Variants in FAM135B observed in about 807,000 individuals in gnomAD.
FAM135B encodes the protein protein FAM135B.
In FAM135B, 43 loss-of-function variants were observed where a neutral mutation model predicts 127.7. The observed-to-expected ratio is 0.34, with a 90% CI of 0.26 to 0.43. FAM135B has a LOEUF of 0.43. Ranked by LOEUF, FAM135B falls within the 20% of genes least tolerant of loss-of-function variation. FAM135B has a pLI of 1.00. For missense variants in FAM135B, 1,558 were observed against 1,725.6 expected, an observed-to-expected ratio of 0.90 and a Z score of 1.72; for synonymous variants, 670 against 665.1, an observed-to-expected ratio of 1.01 and a Z score of -0.11.
chr8:138,285,134 ATTTTTTTTTTTTTTT>A (rs386414180), intron 3 of FAM135B, among the ~76,000 whole-genome samples: 3 of 54,792 alleles, frequency 5.5e-5, no homozygotes, highest in South Asian at 1.4e-3. Context: ...GGCTCTACTA[ATTTTTTTTTTTTTTT>A]TTTTTTTTTT....
chr8:138,411,950 A>G (rs1489872918), intron 1 of FAM135B, among the ~76,000 whole-genome samples: 1 of 152,182 alleles, frequency 6.6e-6, no homozygotes, highest in Non-Finnish European at 1.5e-5. Flanking sequence ...TTCCTAAGCA[A>G]ATTAATGCAG....
intron 1 of FAM135B, among the ~76,000 whole-genome samples, chr8:138,390,148 TTC>T (rs1282743513): frequency 3.9e-5 from 6 of 152,164 alleles, no homozygotes; most frequent in African/African-American, 1.4e-4. Context: ...ACTCTAATAT[TTC>T]TCTTTGTCTC....
At chr8:138,358,614 G>A (rs1161687396) in intron 2 of FAM135B, 1 of 151,996 alleles carries the variant, frequency 6.6e-6, no homozygotes, top group Non-Finnish European at 1.5e-5. Flanking sequence ...CTTGCCCATG[G>A]GTACCCTGCT....
chr8:138,213,033 T>C lies in FAM135B; in HGVS notation c.670-15364A>G, dbSNP rs74396410. ...GTAATATTTTTTAAAATGTGAGACA[T>C]TGTCTGTTAAATGAAATGAGCATGA... On this transcript the variant is annotated intron_variant, in intron 7 of 19. Transcript: ENST00000395297. Among the ~76,000 whole-genome samples, 81 of 152,338 alleles carry C rather than the reference T, an allele frequency of 5.3e-4. No homozygotes were observed. In the East Asian group the frequency reaches 6.9e-3, roughly 13 times the overall value.
intron 1 of FAM135B, among the ~76,000 whole-genome samples, chr8:138,415,829 T>A (rs962771049): frequency 2.0e-5 from 3 of 152,200 alleles, no homozygotes; most frequent in African/African-American, 7.2e-5. Context: ...CACATCCCCA[T>A]AGGCCCATCT....
At chr8:138,211,264 T>C (rs1818121712) in intron 7 of FAM135B, among the ~76,000 whole-genome samples, 1 of 152,184 alleles carries the variant, frequency 6.6e-6, no homozygotes, top group African/African-American at 2.4e-5. Context: ...GAAACCAAAA[T>C]AATAGTATTT....
At chr8:138,247,099 T>C (rs1178039278) in intron 6 of FAM135B, among the ~76,000 whole-genome samples, 15 of 152,180 alleles carry the variant, frequency 9.9e-5, no homozygotes, top group African/African-American at 3.6e-4. Context: ...TGCTTTTGAT[T>C]TTGCAGGCTC....
At chr8:138,385,323 T>C (rs561812373) in intron 1 of FAM135B, among the ~76,000 whole-genome samples, 76 of 152,272 alleles carry the variant, frequency 5.0e-4, no homozygotes, top group South Asian at 3.1e-3. Flanking sequence ...TTTCATGTCC[T>C]CTCTCAGAAT....
intron 4 of FAM135B, 50 bp from the exon 5 acceptor site, chr8:138,256,809 A>G (rs1512403): frequency 0.3 from 433,178 of 1,421,496 alleles, 67,825 homozygotes; most frequent in Admixed American, 0.32. Flanking sequence ...ATCTTGTCCA[A>G]ATGAAATACT....
At chr8:138,412,415 G>C (rs1833918697) in intron 1 of FAM135B, among the ~76,000 whole-genome samples, 1 of 152,184 alleles carries the variant, frequency 6.6e-6, no homozygotes, top group African/African-American at 2.4e-5. Flanking sequence ...ACCTTGGGGG[G>C]TAATTTGTTA....
At chr8:138,185,253 C>T (rs1227852879) in intron 9 of FAM135B, among the ~76,000 whole-genome samples, 1 of 152,150 alleles carries the variant, frequency 6.6e-6, no homozygotes, top group African/African-American at 2.4e-5. Context: ...ATCAATGGGA[C>T]CAGTGCAGAC....
chr8:138,442,916 C>T (rs562101672), intron 1 of FAM135B, among the ~76,000 whole-genome samples: 237 of 152,256 alleles, frequency 1.6e-3, no homozygotes, highest in African/African-American at 4.7e-3. Context: ...GAAAGGACTA[C>T]GTGATGGTTG....
At chr8:138,135,773 C>A (rs1394532255) in intron 19 of FAM135B, among the ~76,000 whole-genome samples, 10 of 152,078 alleles carry the variant, frequency 6.6e-5, no homozygotes, top group Non-Finnish European at 1.2e-4. Context: ...CAGAAGCAAG[C>A]TCTATGTGCA....
chr8:138,213,688 A>G (rs912454040), intron 7 of FAM135B, among the ~76,000 whole-genome samples: 5 of 152,142 alleles, frequency 3.3e-5, no homozygotes, highest in Admixed American at 2.0e-4. Context: ...TTTAAACACT[A>G]GAATGATGCA....
intron 11 of FAM135B, among the ~76,000 whole-genome samples, chr8:138,168,553 A>C (rs1280598826): frequency 6.6e-6 from 1 of 152,196 alleles, no homozygotes; most frequent in Admixed American, 6.5e-5. Context: ...ATGAAGGTAT[A>C]AATTTCCCTA....
At position 138,485,990 on chromosome 8, in the gene FAM135B, G is replaced by T. The variant is rs985235260; in HGVS notation, c.-20+10681C>A. On this transcript the variant is annotated intron_variant, in intron 1 of 19. Coordinates refer to ENST00000395297, the MANE Select transcript of FAM135B (RefSeq NM_015912.4). ...TTTAGGGGTCACCTACTTAGACTTGGAAAGCCTCCTAGGTAATTGCAGAAG... is the reference window on the plus strand; with the variant it reads ...TTTAGGGGTCACCTACTTAGACTTGTAAAGCCTCCTAGGTAATTGCAGAAG... Among the ~76,000 whole-genome samples, 6 of 152,106 alleles carry T rather than the reference G, an allele frequency of 3.9e-5. 1 individual carries two copies. Among genetic ancestry groups the T allele is most frequent in the Admixed American group, 3.9e-4 (6 of 15,274 alleles).
intron 7 of FAM135B, among the ~76,000 whole-genome samples, chr8:138,240,384 C>T (rs1586855858): frequency 6.6e-6 from 1 of 152,216 alleles, no homozygotes; most frequent in African/African-American, 2.4e-5. Context: ...GTCTAACGTT[C>T]TGAGCTGGGC....
intron 12 of FAM135B, among the ~76,000 whole-genome samples, chr8:138,156,707 T>C (rs1818788753): frequency 6.6e-6 from 1 of 151,998 alleles, no homozygotes; most frequent in Admixed American, 6.5e-5. Context: ...AAGAAATGGA[T>C]AAATTCCTGG....
At position 138,202,125 on chromosome 8, in the gene FAM135B, C is replaced by CAAAAAAAAAAAAA. The variant is rs60386806; in HGVS notation, c.670-4469_670-4457dup. On this transcript the variant is annotated intron_variant, in intron 7 of 19. Coordinates refer to ENST00000395297, the MANE Select transcript of FAM135B (RefSeq NM_015912.4). ...GGGCAACAAGAATGAAACTCTGTCT[C>CAAAAAAAAAAAAA]AAAAAAAAAAAAAAAGGCACCTCTC... Among the ~76,000 whole-genome samples, 6 of 84,104 alleles carry CAAAAAAAAAAAAA rather than the reference C, an allele frequency of 7.1e-5. 1 individual carries two copies. The highest frequency in any genetic ancestry group is 8.2e-4 in the East Asian group (2 of 2,434). The allele number at this position is 84,104 out of a possible 152,430, so 55.2% of individuals were successfully genotyped here.
Sources: allele counts gnomAD v4.1 joint callset (sites outside exome capture counted in the v4.1 genomes callset), GRCh38; gene constraint gnomAD v4.1.1; transcripts MANE v1.5; gene names NCBI Gene and HGNC (gene_info 2026-07-23, HGNC 2026-07-21).